The following SVIL variants were observed in gnomAD, a reference collection of about 807,000 sequenced individuals.
SVIL encodes supervillin.
In SVIL, 101 loss-of-function variants were observed where a neutral mutation model predicts 240.4. The ratio of observed to expected loss-of-function variants is 0.42; its 90% CI spans 0.36 to 0.50. The LOEUF is 0.50. Ranked by LOEUF, SVIL falls within the 20% of genes least tolerant of loss-of-function variation. The pLI, the probability that SVIL is intolerant of heterozygous loss-of-function variation, is 0.01. For synonymous variants in SVIL, 999 were observed against 1,100.0 expected (o/e 0.91, Z 1.82); for missense variants, 2,512 against 2,818.7 (o/e 0.89, Z 2.46).
chr10:29,643,637 C>T (rs145900158), intron 3 of SVIL, among the ~76,000 whole-genome samples: 92 of 152,226 alleles, frequency 6.0e-4, no homozygotes, highest in African/African-American at 2.0e-3. Flanking sequence ...AACCCCCCAC[C>T]CCTGCCGGAA....
rs1460689915 is a variant in SVIL, at chr10:29,533,324, G to T, written c.1043C>A (p.Ala348Asp). 12 of 1,614,132 alleles carry T rather than the reference G, an allele frequency of 7.4e-6. No homozygotes were observed. Among genetic ancestry groups the T allele is most frequent in the Non-Finnish European group, 1.0e-5 (12 of 1,180,020 alleles). Residue 348 changes from alanine to aspartate, a missense_variant, in exon 8 of 38, where the codon GCC becomes GAC. Physicochemically the swap from Ala to Asp is moderately radical, Grantham distance 126 (BLOSUM62 -2). This residue lies in a region of SVIL where 1,443 missense variants were observed against 1,486.6 expected (regional missense o/e 0.97). Transcript: ENST00000355867. ...HYVSFQSEHSAFDRVPSKAAG... is the reference protein window; with the variant it reads ...HYVSFQSEHSDFDRVPSKAAG... ...TGCCTTGCTGGGGACCCTATCAAAG[G>T]CTGAGTGCTCAGACTGAAATGACAC... is the stretch of plus-strand genomic sequence containing the variant.
intron 1 of SVIL, among the ~76,000 whole-genome samples, chr10:29,691,336 C>T (rs938321075): frequency 2.6e-5 from 4 of 151,898 alleles, no homozygotes; most frequent in African/African-American, 7.3e-5. Context: ...CTCAGCCTCC[C>T]GAGTAGCTGG....
chr10:29,583,004 A>G (rs1382774088), intron 1 of SVIL, among the ~76,000 whole-genome samples: 1 of 152,194 alleles, frequency 6.6e-6, no homozygotes, highest in African/African-American at 2.4e-5. Flanking sequence ...AACAGAAAGC[A>G]GGGAAACACT....
At chr10:29,607,435 T>C (rs1957067966) in intron 1 of SVIL, among the ~76,000 whole-genome samples, 1 of 152,210 alleles carries the variant, frequency 6.6e-6, no homozygotes, top group Non-Finnish European at 1.5e-5. Context: ...GTGTAAAATG[T>C]AATAAATTAA....
rs143446516 is a variant in SVIL at position 29,604,424 on chromosome 10, G to A, written c.-201+29996C>T. 5.1e-3 allele frequency among the ~76,000 whole-genome samples: 659 copies of A among 129,606 alleles called. 6 individuals carry two copies. Among genetic ancestry groups the A allele is most frequent in the African/African-American group, 0.018 (609 of 34,278 alleles). The allele number at this position is 129,606 out of a possible 152,430, so 85.0% of individuals were successfully genotyped here. A position where few individuals can be genotyped will look rare whatever the true frequency, so the allele number is the denominator to read the frequency against. On this transcript the variant is annotated intron_variant, in intron 1 of 37. Transcript: ENST00000355867. The stretch of plus-strand genomic sequence containing the variant: ...TTAGTAAGAGACAGGGTTTTGCCAC[G>A]TTGGCCAGGCTGGTCTCAAACTCCT...
intron 1 of SVIL, among the ~76,000 whole-genome samples, chr10:29,686,947 G>A (rs1589514083): frequency 6.6e-6 from 1 of 151,994 alleles, no homozygotes; most frequent in Non-Finnish European, 1.5e-5. Context: ...AAACAACCAC[G>A]TGCAAGGGAA....
intron 18 of SVIL, among the ~76,000 whole-genome samples, chr10:29,496,733 C>A (rs1457407990): frequency 6.6e-6 from 1 of 152,256 alleles, no homozygotes; most frequent in Non-Finnish European, 1.5e-5. Context: ...AACAACCAGT[C>A]ACCTACTCTC....
chr10:29,708,731 T>A (rs1290772233), intron 1 of SVIL, among the ~76,000 whole-genome samples: 1 of 152,066 alleles, frequency 6.6e-6, no homozygotes, highest in Admixed American at 6.6e-5. Context: ...AAGTATACAG[T>A]GTGCATGCCT....
rs1398609519 is a variant in SVIL at position 29,550,630 on chromosome 10, C to A, written c.794G>T (p.Gly265Val). 2 of 1,612,932 alleles carry A rather than the reference C, an allele frequency of 1.2e-6. No individual in the cohort carries two copies. ...GGCCTCAGGGGATAGCTGTGGGTCA[C>A]CAAAGGAGGGGCTCCGGGAGGCTGC... ...QQAASRSPSF[G>V]DPQLSPEARP... is the part of the protein sequence containing the mutation. Residue 265 changes from glycine (G) to valine (V), a missense_variant, in exon 6 of 38, where the codon GGT becomes GTT. Around this residue, in one of 3 missense-constraint regions of SVIL, gnomAD observed 1,443 missense variants for 1,486.6 expected, o/e 0.97. Coordinates refer to ENST00000355867, the MANE Select transcript of SVIL (RefSeq NM_021738.3).
chr10:29,585,129 C>A (rs1270439516), intron 1 of SVIL, among the ~76,000 whole-genome samples: 1 of 149,956 alleles, frequency 6.7e-6, no homozygotes, highest in Non-Finnish European at 1.5e-5. Flanking sequence ...GTTGGCCAGG[C>A]TGGAGTGCAA....
chr10:29,622,249 C>CAA (rs71020801), intron 1 of SVIL, among the ~76,000 whole-genome samples: 28,007 of 51,518 alleles, frequency 0.54, 9,793 homozygotes, highest in East Asian at 0.65. Flanking sequence ...GACTCCGTCT[C>CAA]AAAAAAAAAA....
chr10:29,707,790 C>G (rs186799135), intron 1 of SVIL, among the ~76,000 whole-genome samples: 1 of 152,018 alleles, frequency 6.6e-6, no homozygotes, highest in Non-Finnish European at 1.5e-5. Flanking sequence ...AAGGACTTTT[C>G]GTGTATTATT....
intron 16 of SVIL, among the ~76,000 whole-genome samples, chr10:29,514,623 C>A (rs967547964): frequency 6.6e-6 from 1 of 152,150 alleles, no homozygotes; most frequent in Admixed American, 6.5e-5. Flanking sequence ...CTCAAGCGAT[C>A]CCCTGCCTCA....
At chr10:29,500,582 C>A (rs1284775331) in intron 17 of SVIL, among the ~76,000 whole-genome samples, 1 of 152,128 alleles carries the variant, frequency 6.6e-6, no homozygotes, top group Admixed American at 6.5e-5. Context: ...GCACTCCACA[C>A]CTTCTTCTAG....
chr10:29,680,256 G>A (rs1331115431), intron 2 of SVIL, among the ~76,000 whole-genome samples: 1 of 152,164 alleles, frequency 6.6e-6, no homozygotes, highest in African/African-American at 2.4e-5. Flanking sequence ...TGTTCTCATA[G>A]GCGTTCTGTC....
intron 29 of SVIL, among the ~76,000 whole-genome samples, chr10:29,479,412 G>A (rs1462965274): frequency 6.6e-6 from 1 of 152,184 alleles, no homozygotes; most frequent in African/African-American, 2.4e-5. Flanking sequence ...GAGCCCAGTA[G>A]GCCCTCAGCT....
chr10:29,480,486 G>T (rs1319867717), intron 29 of SVIL, 51 bp downstream of exon 29: 36 of 1,595,578 alleles, frequency 2.3e-5, no homozygotes, highest in Non-Finnish European at 3.0e-5. Context: ...CTCCCGCAGG[G>T]CTGCCGGGCC....
In SVIL at chr10:29,463,707, A is replaced by G; in HGVS notation, c.6134-72T>C. On this transcript the variant is annotated intron_variant, in intron 34 of 37. Transcript: ENST00000355867. ...ACACTTCTAGCTCACTCCTCCCCCA[A>G]CCTAGTGGATGTTGTCCCTCTTGAC... 7 of 1,555,496 alleles carry G rather than the reference A, an allele frequency of 4.5e-6. 1 individual carries two copies. The highest frequency in any genetic ancestry group is 6.1e-6 in the Non-Finnish European group (7 of 1,148,672).
intron 1 of SVIL, among the ~76,000 whole-genome samples, chr10:29,577,566 T>G (rs1474930354): frequency 6.6e-6 from 1 of 152,234 alleles, no homozygotes; most frequent in Non-Finnish European, 1.5e-5. Context: ...TACCACATTT[T>G]CTTTATCCAC....
Sources: allele counts gnomAD v4.1 joint callset (sites outside exome capture counted in the v4.1 genomes callset), GRCh38; gene constraint gnomAD v4.1.1; regional missense constraint gnomAD v4.1.1; transcripts MANE v1.5; gene names NCBI Gene and HGNC (gene_info 2026-07-23, HGNC 2026-07-21).